DNAH11: variants seen among roughly 807,000 people sequenced by gnomAD.
DNAH11 encodes the protein axonemal beta dynein heavy chain 11.
DNAH11 carries 442 observed loss-of-function variants against 526.0 expected under a neutral mutation model. That is an observed-to-expected ratio of 0.84 (90% CI 0.78 to 0.91). DNAH11 has a LOEUF of 0.91. Ranked by LOEUF, DNAH11 falls within the 40% of genes least tolerant of loss-of-function variation. The probability of loss-of-function intolerance (pLI) is 0.00; values close to 1 mark genes in which losing one functional copy is unlikely to be tolerated. For missense variants in DNAH11, 6,989 were observed against 5,448.7 expected, an observed-to-expected ratio of 1.28 and a Z score of -8.90; for synonymous variants, 2,461 against 1,935.9, an observed-to-expected ratio of 1.27 and a Z score of -7.12.
chr7:21,741,898 T>C, intron 48 of DNAH11, 29 bp from the exon 49 acceptor site: 1 of 1,611,174 alleles, frequency 6.2e-7, no homozygotes, highest in Non-Finnish European at 8.5e-7. Context: ...TTGTAATCCT[T>C]ACACTCTTAT....
chr7:21,698,456 AT>A (rs1314546940), intron 36 of DNAH11, among the ~76,000 whole-genome samples: 1 of 152,070 alleles, frequency 6.6e-6, no homozygotes, highest in Non-Finnish European at 1.5e-5. Context: ...GTAGTCTTTT[AT>A]CCCTCACCCA....
intron 65 of DNAH11, among the ~76,000 whole-genome samples, chr7:21,831,074 G>C (rs112290301): frequency 6.6e-6 from 1 of 152,166 alleles, no homozygotes; most frequent in South Asian, 2.1e-4. Flanking sequence ...AGTGACAAGG[G>C]CCAGTGTAAT....
At chr7:21,572,701 G>A (rs4591922) in intron 8 of DNAH11, among the ~76,000 whole-genome samples, 19,401 of 152,232 alleles carry the variant, frequency 0.13, 2,525 homozygotes, top group African/African-American at 0.32. Flanking sequence ...ATTCTTTGAA[G>A]TGTACGAGTG....
chr7:21,600,886 G>A lies in DNAH11; in HGVS notation c.3211G>A (p.Glu1071Lys), dbSNP rs915101822. The change falls in exon 16 of 82, where the codon GAA becomes AAA. Residue 1071 changes from glutamate (E) to lysine (K), a missense_variant. Coordinates refer to ENST00000409508, the MANE Select transcript of DNAH11 (RefSeq NM_001277115.2). ...SDEMDAHANE[E>K]IPEQPPTLEQ... ...TGAAATGGATGCTCATGCAAATGAA[G>A]AAATTCCCGAACAACCACCAACTCT... The A allele has an allele frequency of 6.2e-7, 1 of 1,613,952 alleles. No individual in the cohort carries two copies. The highest frequency in any genetic ancestry group is 8.5e-7 in the Non-Finnish European group (1 of 1,179,854).
chr7:21,800,940 T>C (rs1323008804), intron 61 of DNAH11, among the ~76,000 whole-genome samples, 197 bp from the exon 62 acceptor site: 1 of 152,158 alleles, frequency 6.6e-6, no homozygotes, highest in East Asian at 1.9e-4. Context: ...GAACTGTTAG[T>C]TCATGGTGGC....
At chr7:21,736,960 T>G (rs1376498033) in intron 46 of DNAH11, among the ~76,000 whole-genome samples, 2 of 152,248 alleles carry the variant, frequency 1.3e-5, no homozygotes, top group Non-Finnish European at 1.5e-5. Flanking sequence ...AATGGAAGAT[T>G]AAGCTACAGT....
At chr7:21,871,516 A>G (rs1783493649) in intron 73 of DNAH11, among the ~76,000 whole-genome samples, 1 of 152,206 alleles carries the variant, frequency 6.6e-6, no homozygotes, top group African/African-American at 2.4e-5. Context: ...TTTACATTTG[A>G]TTCAAGTAAA....
chr7:21,632,185 C>T (rs923832118), intron 25 of DNAH11, among the ~76,000 whole-genome samples: 3 of 152,296 alleles, frequency 2.0e-5, no homozygotes, highest in African/African-American at 7.2e-5. Flanking sequence ...CACCAAGTCT[C>T]TAGGTAGCAC....
At chr7:21,730,951 C>T (rs554115732) in intron 45 of DNAH11, among the ~76,000 whole-genome samples, 1 of 152,244 alleles carries the variant, frequency 6.6e-6, no homozygotes, top group African/African-American at 2.4e-5. Context: ...CGAGACCAAC[C>T]TGGCCAACAT....
At chr7:21,785,261 C>T (rs1263691823) in intron 58 of DNAH11, among the ~76,000 whole-genome samples, 2 of 152,132 alleles carry the variant, frequency 1.3e-5, no homozygotes, top group South Asian at 2.1e-4. Context: ...ATCCTGAATT[C>T]GTTTTGTAAG....
At chr7:21,751,674 T>A (rs1786418229) in intron 54 of DNAH11, among the ~76,000 whole-genome samples, 1 of 152,198 alleles carries the variant, frequency 6.6e-6, no homozygotes, top group African/African-American at 2.4e-5. Flanking sequence ...GCCCTGAATA[T>A]GCCTTAGATT....
At chr7:21,651,004 T>G (rs1198044104) in intron 28 of DNAH11, among the ~76,000 whole-genome samples, 1 of 151,822 alleles carries the variant, frequency 6.6e-6, no homozygotes, top group African/African-American at 2.4e-5. Flanking sequence ...ACACATTGAC[T>G]TAAGTTTTTA....
At chr7:21,693,323 C>T (rs1253242382) in intron 35 of DNAH11, among the ~76,000 whole-genome samples, 2 of 152,110 alleles carry the variant, frequency 1.3e-5, no homozygotes, top group African/African-American at 4.8e-5. Context: ...GGATAAGCTC[C>T]GCTTGGTCAG....
At chr7:21,656,389 C>A (rs546134828) in intron 29 of DNAH11, among the ~76,000 whole-genome samples, 2 of 152,214 alleles carry the variant, frequency 1.3e-5, no homozygotes, top group East Asian at 1.9e-4. Flanking sequence ...TTTAAAGAGG[C>A]TTTGTGGTTC....
chr7:21,735,635 C>T lies in DNAH11; in HGVS notation c.7441-5C>T. 1 of 1,571,456 alleles carries T rather than the reference C, an allele frequency of 6.4e-7. No individual in the cohort carries two copies. The highest frequency in any genetic ancestry group is 8.6e-7 in the Non-Finnish European group (1 of 1,156,836). On this transcript the variant is annotated splice_region_variant and splice_polypyrimidine_tract_variant and intron_variant, in intron 45 of 81. Coordinates refer to ENST00000409508, the MANE Select transcript of DNAH11 (RefSeq NM_001277115.2). The stretch of plus-strand genomic sequence containing the variant: ...ATCTTTGTCTCATTCTGTTTCTCCT[C>T]CCAGACAGTTCTCGTTCACACAACA...
At chr7:21,749,101 T>G (rs1240635031) in intron 52 of DNAH11, among the ~76,000 whole-genome samples, 1 of 152,156 alleles carries the variant, frequency 6.6e-6, no homozygotes, top group Non-Finnish European at 1.5e-5. Context: ...GACACTAACT[T>G]CACAAGTAAA....
intron 8 of DNAH11, among the ~76,000 whole-genome samples, chr7:21,572,826 GC>G (rs1466636154): frequency 1.3e-5 from 2 of 152,120 alleles, no homozygotes; most frequent in Non-Finnish European, 2.9e-5. Flanking sequence ...GTGACTTTTT[GC>G]TAAACCAGGG....
At chr7:21,789,598 AG>A (rs575411033) in intron 61 of DNAH11, among the ~76,000 whole-genome samples, 2 of 152,218 alleles carry the variant, frequency 1.3e-5, no homozygotes, top group South Asian at 4.1e-4. Context: ...TGGAAAGGGG[AG>A]GGCAGCACAT....
At chr7:21,577,850 A>G (rs1023000766) in intron 8 of DNAH11, among the ~76,000 whole-genome samples, 3 of 152,368 alleles carry the variant, frequency 2.0e-5, no homozygotes, top group Admixed American at 2.0e-4. Flanking sequence ...GACAATCAGT[A>G]GATGCCAATA....
Sources: allele counts gnomAD v4.1 joint callset (sites outside exome capture counted in the v4.1 genomes callset), GRCh38; gene constraint gnomAD v4.1.1; transcripts MANE v1.5; gene names NCBI Gene and HGNC (gene_info 2026-07-23, HGNC 2026-07-21).